Variants in SLC17A5 observed in about 807,000 individuals in gnomAD.
SLC17A5 encodes the protein solute carrier family 17 member 5, also known as sialin.
A neutral mutation model predicts 59.4 loss-of-function variants in SLC17A5; 47 were observed. The observed-to-expected ratio is 0.79, with a 90% CI of 0.63 to 1.01. The LOEUF (loss-of-function observed/expected upper bound fraction) is 1.01. SLC17A5 is among the 50% of genes least tolerant of loss of function. The probability of loss-of-function intolerance (pLI) is 0.00; values close to 1 mark genes in which losing one functional copy is unlikely to be tolerated. For missense variants in SLC17A5, 522 were observed against 595.5 expected (o/e 0.88, Z 1.28); for synonymous variants, 202 against 210.7 (o/e 0.96, Z 0.36).
At chr6:73,601,189 C>A (rs1274357540) in intron 9 of SLC17A5, among the ~76,000 whole-genome samples, 1 of 144,864 alleles carries the variant, frequency 6.9e-6, no homozygotes, top group African/African-American at 2.6e-5. Flanking sequence ...GCGCCTCTGC[C>A]CCGCCGCCCC....
chr6:73,646,997 G>A (rs1054118840), intron 1 of SLC17A5, among the ~76,000 whole-genome samples: 3 of 152,054 alleles, frequency 2.0e-5, no homozygotes, highest in African/African-American at 7.2e-5. Context: ...CTTTATCATT[G>A]CTCTGTGTCA....
intron 9 of SLC17A5, among the ~76,000 whole-genome samples, chr6:73,609,620 G>A (rs1767556529): frequency 6.6e-6 from 1 of 152,194 alleles, no homozygotes; most frequent in Admixed American, 6.6e-5. Context: ...AGAGCCCTGA[G>A]GACAATAAGG....
At chr6:73,598,589 C>G (rs1766923527) in intron 10 of SLC17A5, among the ~76,000 whole-genome samples, 2 of 151,960 alleles carry the variant, frequency 1.3e-5, no homozygotes, top group Admixed American at 1.3e-4. Flanking sequence ...TGAGATCACG[C>G]CACTGCCCTC....
chr6:73,632,619 T>C (rs1356813079), intron 6 of SLC17A5, among the ~76,000 whole-genome samples: 1 of 151,320 alleles, frequency 6.6e-6, no homozygotes, highest in African/African-American at 2.4e-5. Flanking sequence ...ATTTTTAAAT[T>C]TTTTGTAGAG....
At chr6:73,600,972 G>C (rs1055893642) in intron 9 of SLC17A5, among the ~76,000 whole-genome samples, 1 of 152,010 alleles carries the variant, frequency 6.6e-6, no homozygotes, top group Non-Finnish European at 1.5e-5. Flanking sequence ...CACCCCGTCT[G>C]GGAAGTGAGG....
intron 6 of SLC17A5, among the ~76,000 whole-genome samples, chr6:73,634,235 A>G (rs1348769441): frequency 6.6e-6 from 1 of 152,214 alleles, no homozygotes; most frequent in Non-Finnish European, 1.5e-5. Context: ...ATCATATTAT[A>G]ATATTATATC....
At chr6:73,615,880 C>CT (rs71674685) in intron 7 of SLC17A5, among the ~76,000 whole-genome samples, 23,870 of 97,122 alleles carry the variant, frequency 0.25, 4,275 homozygotes, top group East Asian at 0.33. Context: ...ATGAATCATT[C>CT]TTTTTTTTTT....
At chr6:73,606,777 C>T (rs1036552828) in intron 9 of SLC17A5, among the ~76,000 whole-genome samples, 10 of 152,158 alleles carry the variant, frequency 6.6e-5, no homozygotes, top group South Asian at 4.1e-4. Flanking sequence ...TGACTAGATC[C>T]GTTAATGAGC....
At chr6:73,616,514 A>G (rs1056760198) in intron 7 of SLC17A5, among the ~76,000 whole-genome samples, 3 of 151,660 alleles carry the variant, frequency 2.0e-5, no homozygotes, top group Admixed American at 6.6e-5. Context: ...CAGTAAAACA[A>G]TAACTCAAAA....
intron 7 of SLC17A5, among the ~76,000 whole-genome samples, chr6:73,616,101 G>A (rs1767846516): frequency 1.3e-5 from 2 of 151,954 alleles, no homozygotes; most frequent in Non-Finnish European, 2.9e-5. Flanking sequence ...GGCCAGGCTG[G>A]TCTTGAACTT....
At chr6:73,624,743 G>A (rs1768325013) in intron 6 of SLC17A5, among the ~76,000 whole-genome samples, 1 of 152,144 alleles carries the variant, frequency 6.6e-6, no homozygotes. Context: ...ATGTGGTGGC[G>A]CGACCTGTAG....
At chr6:73,618,122 G>C (rs1429266835) in intron 7 of SLC17A5, among the ~76,000 whole-genome samples, 1 of 151,760 alleles carries the variant, frequency 6.6e-6, no homozygotes, top group African/African-American at 2.4e-5. Context: ...TCAGGTACTT[G>C]GGAGGCTGAC....
chr6:73,636,699 G>A lies in SLC17A5; in HGVS notation c.622C>T (p.Leu208Phe). 6.2e-7 allele frequency: 1 copy of A among 1,608,338 alleles called. No homozygotes were observed. The highest frequency in any genetic ancestry group is 8.5e-7 in the Non-Finnish European group (1 of 1,174,808). The change falls in exon 5 of 11, where the codon CTT becomes TTT. Residue 208 changes from leucine to phenylalanine, a missense_variant. This residue lies in a region of SLC17A5 where 338 missense variants were observed against 363.8 expected (regional missense o/e 0.93). Coordinates refer to ENST00000355773, the MANE Select transcript of SLC17A5 (RefSeq NM_012434.5). ...LLSISYAGAQ[L>F]GTVISLPLSG... ...AGAGGAAGAGAAATTACTGTCCCAA[G>A]CTGTGCTCCTAGAACAACACATAAG...
intron 9 of SLC17A5, among the ~76,000 whole-genome samples, chr6:73,601,877 G>A (rs1293934470): frequency 1.0e-4 from 15 of 149,534 alleles, no homozygotes; most frequent in African/African-American, 1.5e-4. Flanking sequence ...GCCTCTGCCC[G>A]GCCGCCCCTA....
At chr6:73,622,600 A>G (rs1768203935) in intron 6 of SLC17A5, among the ~76,000 whole-genome samples, 1 of 152,088 alleles carries the variant, frequency 6.6e-6, no homozygotes, top group Admixed American at 6.6e-5. Context: ...TGAATTCTCT[A>G]TTTCTAAAAT....
In SLC17A5 at chr6:73,641,699, G is replaced by A. The variant is rs2150118262; in HGVS notation, c.517C>T (p.Leu173=). 2 of 1,609,610 alleles carry A rather than the reference G, an allele frequency of 1.2e-6. No individual in the cohort carries two copies. Among genetic ancestry groups the A allele is most frequent in the Middle Eastern group, 1.7e-4 (1 of 6,048 alleles). ...PLIVLRALEG[L]GEGVTFPAMH... ...AGAGAAAAGAAAATTACCTCTCCTA[G>A]TCCTTCTAGTGCTCTGAGTACAATG... The change falls in exon 3 of 11, where the codon CTA becomes TTA. Residue 173 remains leucine, a synonymous_variant. Coordinates refer to ENST00000355773, the MANE Select transcript of SLC17A5 (RefSeq NM_012434.5).
intron 6 of SLC17A5, 145 bp downstream of exon 6, chr6:73,635,237 C>G: frequency 3.5e-6 from 2 of 577,330 alleles, no homozygotes; most frequent in Non-Finnish European, 6.2e-6. Context: ...CCCAGCCAGA[C>G]AATACTTTGG....
intron 7 of SLC17A5, among the ~76,000 whole-genome samples, chr6:73,619,544 C>A (rs1256342655): frequency 6.6e-6 from 1 of 151,304 alleles, no homozygotes; most frequent in Admixed American, 6.6e-5. Flanking sequence ...AAAACAAAAA[C>A]AAAAACACCT....
At chr6:73,615,894 T>G (rs1017413276) in intron 7 of SLC17A5, among the ~76,000 whole-genome samples, 4 of 146,108 alleles carry the variant, frequency 2.7e-5, no homozygotes, top group African/African-American at 1.0e-4. Context: ...TTTTTTTTTT[T>G]TTTTTTTTTG....
Sources: gnomAD v4.1 joint callset for allele counts (sites outside exome capture counted in the v4.1 genomes callset) on GRCh38, gnomAD v4.1.1 for gene constraint, gnomAD v4.1.1 regional missense constraint, MANE v1.5 for transcripts, NCBI Gene and HGNC (gene_info 2026-07-23, HGNC 2026-07-21) for gene names.